The following STAC2 variants were observed in gnomAD, a reference collection of about 807,000 sequenced individuals.
STAC2 encodes SH3 and cysteine-rich domain-containing protein 2.
In STAC2, 36 loss-of-function variants were observed where a neutral mutation model predicts 49.0. The observed-to-expected ratio is 0.74, with a 90% CI of 0.56 to 0.97. The LOEUF is 0.97. Ranked by LOEUF, STAC2 falls within the 50% of genes least tolerant of loss-of-function variation. The pLI, the probability that STAC2 is intolerant of heterozygous loss-of-function variation, is 0.00. For missense variants in STAC2, 527 were observed against 543.8 expected (o/e 0.97, Z 0.31); for synonymous variants, 239 against 214.7 (o/e 1.11, Z -0.99).
intron 9 of STAC2, 115 bp from the exon 10 acceptor site, chr17:39,213,247 G>A: frequency 6.6e-7 from 1 of 1,514,480 alleles, no homozygotes; most frequent in Non-Finnish European, 8.8e-7. Context: ...TCCAGATCTA[G>A]GGCTCTCCGG....
At chr17:39,218,697 T>C (rs375877886) in intron 1 of STAC2, among the ~76,000 whole-genome samples, 1 of 152,168 alleles carries the variant, frequency 6.6e-6, no homozygotes, top group African/African-American at 2.4e-5. Context: ...TTCATCATTC[T>C]TTTTTATGGC....
intron 3 of STAC2, 30 bp downstream of exon 3, chr17:39,217,046 C>T (rs780048251): frequency 6.2e-7 from 1 of 1,611,254 alleles, no homozygotes; most frequent in South Asian, 1.1e-5. Context: ...CAGCACTCAG[C>T]TGGCCATCTC....
intron 4 of STAC2, 74 bp from the exon 5 acceptor site, chr17:39,215,304 C>T (rs2046392731): frequency 1.3e-6 from 2 of 1,502,268 alleles, no homozygotes; most frequent in African/African-American, 1.4e-5. Flanking sequence ...CAGCATGCCC[C>T]AGGCTGAGCT....
rs2046362840 is a variant in STAC2 at position 39,212,401 on chromosome 17, G to A, written c.1132-5C>T. 3 of 1,601,574 alleles carry A rather than the reference G, an allele frequency of 1.9e-6. No homozygotes were observed. The highest frequency in any genetic ancestry group is 2.6e-6 in the Non-Finnish European group (3 of 1,172,906). ...TCTGCCCACGCCCACGCAGATCTGA[G>A]CCAGAGAGACATGGAGCTGAGGCCT... On this transcript the variant is annotated splice_region_variant and splice_polypyrimidine_tract_variant and intron_variant, in intron 10 of 10. Transcript: ENST00000333461.
chr17:39,213,070 G>T lies in STAC2; in HGVS notation c.1056C>A (p.Gly352=), dbSNP rs548912469. 1.3e-5 allele frequency: 21 copies of T among 1,613,316 alleles called. No individual in the cohort carries two copies. The highest frequency in any genetic ancestry group is 1.6e-4 in the Middle Eastern group (1 of 6,084). The change falls in exon 10 of 11, where the codon GGC becomes GGA. Residue 352 remains glycine (G), a synonymous_variant. Coordinates refer to ENST00000333461, the MANE Select transcript of STAC2 (RefSeq NM_198993.5). ...GTTGGCAGCAGCGCCAAACATTCTC[G>T]CCTGGCCTCACCCGTTGCACAAAAT... ...PANFVQRVRP[G]ENVWRCCQPF...
chr17:39,216,144 C>G (rs942695569), intron 4 of STAC2, among the ~76,000 whole-genome samples: 1 of 152,128 alleles, frequency 6.6e-6, no homozygotes, highest in African/African-American at 2.4e-5. Flanking sequence ...AGACAGCGAG[C>G]TTTTTCTTTT....
Position 39,217,979 on chromosome 17 carries a change from T to G in STAC2, c.285A>C (p.Pro95=). The change falls in exon 2 of 11, where the codon CCA becomes CCC. Residue 95 remains proline, a synonymous_variant. Transcript: ENST00000333461. The part of the protein sequence containing the change: ...DRGLATPSPS[P]CPVPRPLAAL... ...CTGCCAGGGGGCGTGGGACTGGGCATGGGGAGGGGGATGGGGTAGCCAGGC... is the reference window on the plus strand; with the variant it reads ...CTGCCAGGGGGCGTGGGACTGGGCAGGGGGAGGGGGATGGGGTAGCCAGGC... 6.8e-7 allele frequency: 1 copy of G among 1,463,130 alleles called. No individual in the cohort carries two copies. The highest frequency in any genetic ancestry group is 9.1e-7 in the Non-Finnish European group (1 of 1,094,776). 90.6% of individuals were successfully genotyped at this position (1,463,130 alleles called of 1,614,324 possible).
chr17:39,217,631 G>A (rs2046417387), intron 2 of STAC2, among the ~76,000 whole-genome samples: 1 of 152,120 alleles, frequency 6.6e-6, no homozygotes, highest in Non-Finnish European at 1.5e-5. Context: ...GCTGAGGCAG[G>A]AGGATCCCTT....
At chr17:39,214,412 C>A in intron 7 of STAC2, 82 bp from the exon 8 acceptor site, 1 of 1,590,296 alleles carries the variant, frequency 6.3e-7, no homozygotes, top group East Asian at 2.3e-5. Context: ...GTGTGCTACC[C>A]TGGGGGCTGT....
chr17:39,224,883 C>G lies in STAC2; in HGVS notation c.90+530G>C, dbSNP rs551120288. ...CCAACAGGGCTAGGAGCGGGGAATG[C>G]AGGACTGCGGAGGGGCAGGGAGAGA... On this transcript the variant is annotated intron_variant, in intron 1 of 10. Coordinates refer to ENST00000333461, the MANE Select transcript of STAC2 (RefSeq NM_198993.5). 2.6e-3 allele frequency among the ~76,000 whole-genome samples: 401 copies of G among 152,212 alleles called. 1 individual carries two copies. Among genetic ancestry groups the G allele is most frequent in the Non-Finnish European group, 4.8e-3 (323 of 67,988 alleles).
chr17:39,224,308 C>T (rs188537426), intron 1 of STAC2, among the ~76,000 whole-genome samples: 1 of 152,184 alleles, frequency 6.6e-6, no homozygotes, highest in African/African-American at 2.4e-5. Flanking sequence ...AGGATGGGAA[C>T]AAAATACCGG....
rs568712133 is a variant in STAC2 at position 39,220,767 on chromosome 17, C to T, written c.91-2594G>A. Among the ~76,000 whole-genome samples, 9 of 143,202 alleles carry T rather than the reference C, an allele frequency of 6.3e-5. No individual in the cohort carries two copies. The South Asian group carries it at 8.9e-4, about 14-fold the overall frequency. The allele number at this position is 143,202 out of a possible 152,430, so 93.9% of individuals were successfully genotyped here. A position where few individuals can be genotyped will look rare whatever the true frequency, so the allele number is the denominator to read the frequency against. ...GATTACAGGCGTGAGCCACTGCACCCGGCCTATCATTTTTATTTTTTATTT... is the reference window on the plus strand; with the variant it reads ...GATTACAGGCGTGAGCCACTGCACCTGGCCTATCATTTTTATTTTTTATTT... On this transcript the variant is annotated intron_variant, in intron 1 of 10. Transcript: ENST00000333461.
At chr17:39,221,982 A>G (rs2046467525) in intron 1 of STAC2, among the ~76,000 whole-genome samples, 1 of 152,210 alleles carries the variant, frequency 6.6e-6, no homozygotes, top group South Asian at 2.1e-4. Context: ...CTCTTGGGAC[A>G]GTCATTCCAT....
In STAC2 at chr17:39,216,794, C is replaced by CA; in HGVS notation, c.586+15dup. ...CCACAATGGGAGCAGGGACTGCGGC[C>CA]AGGGGGGGCACTCACCAGTGGGTGG... On this transcript the variant is annotated intron_variant, in intron 4 of 10. Transcript: ENST00000333461. The CA allele has an allele frequency of 6.4e-7, 1 of 1,572,542 alleles. No homozygotes were observed. The highest frequency in any genetic ancestry group is 8.6e-7 in the Non-Finnish European group (1 of 1,159,086).
At chr17:39,214,101 C>A in intron 8 of STAC2, 132 bp downstream of exon 8, 1 of 976,916 alleles carries the variant, frequency 1.0e-6, no homozygotes, top group Non-Finnish European at 1.6e-6. Context: ...AGACCCTGGG[C>A]AGTTCCAGCT....
At chr17:39,219,353 T>C (rs1463746187) in intron 1 of STAC2, among the ~76,000 whole-genome samples, 1 of 152,176 alleles carries the variant, frequency 6.6e-6, no homozygotes, top group East Asian at 1.9e-4. Flanking sequence ...GTTCATACCC[T>C]CTTTATCCTG....
Position 39,213,500 on chromosome 17 carries a change from A to C in STAC2, c.993+7T>G. The C allele has an allele frequency of 1.2e-6, 2 of 1,613,442 alleles. No individual in the cohort carries two copies. The highest frequency in any genetic ancestry group is 1.7e-6 in the Non-Finnish European group (2 of 1,179,620). ...GTGTCCCTCCACTCCCCACCCTGCCAAGTCACCTTCCACCAGTCCTCGTTA... is the reference window on the plus strand; with the variant it reads ...GTGTCCCTCCACTCCCCACCCTGCCCAGTCACCTTCCACCAGTCCTCGTTA... On this transcript the variant is annotated splice_region_variant and intron_variant, in intron 9 of 10. Transcript: ENST00000333461.
At chr17:39,220,295 T>A (rs1280205403) in intron 1 of STAC2, among the ~76,000 whole-genome samples, 2 of 152,076 alleles carry the variant, frequency 1.3e-5, no homozygotes, top group African/African-American at 4.8e-5. Flanking sequence ...GGGGCTTGGA[T>A]GGGCCCCAAG....
At chr17:39,221,449 A>G (rs562819121) in intron 1 of STAC2, among the ~76,000 whole-genome samples, 5 of 152,326 alleles carry the variant, frequency 3.3e-5, no homozygotes, top group South Asian at 2.1e-4. Flanking sequence ...AAATATCCCC[A>G]GAAACTTACA....
Sources: allele counts gnomAD v4.1 joint callset (sites outside exome capture counted in the v4.1 genomes callset), GRCh38; gene constraint gnomAD v4.1.1; transcripts MANE v1.5; gene names NCBI Gene and HGNC (gene_info 2026-07-23, HGNC 2026-07-21).